The following RNF220 variants were observed in gnomAD, a reference collection of about 807,000 sequenced individuals.
RNF220 encodes E3 ubiquitin-protein ligase RNF220.
RNF220 carries 7 observed loss-of-function variants against 67.1 expected under a neutral mutation model. That is an observed-to-expected ratio of 0.10 (90% CI 0.06 to 0.20). The LOEUF is 0.20. RNF220 is among the 10% of genes least tolerant of loss of function. The probability of loss-of-function intolerance (pLI) is 1.00; values close to 1 mark genes in which losing one functional copy is unlikely to be tolerated. For missense variants in RNF220, 565 were observed against 740.3 expected, an observed-to-expected ratio of 0.76 and a Z score of 2.75; for synonymous variants, 270 against 283.2, an observed-to-expected ratio of 0.95 and a Z score of 0.47.
chr1:44,561,149 T>C (rs1311425074), intron 2 of RNF220, among the ~76,000 whole-genome samples: 3 of 152,210 alleles, frequency 2.0e-5, no homozygotes, highest in Non-Finnish European at 4.4e-5. Flanking sequence ...ATAAAGATAC[T>C]GAACTAACCC....
chr1:44,585,824 G>A (rs1665654638), intron 2 of RNF220, among the ~76,000 whole-genome samples: 1 of 152,166 alleles, frequency 6.6e-6, no homozygotes, highest in Non-Finnish European at 1.5e-5. Context: ...ATTGTTGTGA[G>A]ATTGTCTGAC....
Position 44,600,109 on chromosome 1 carries a change from T to C in RNF220, c.626-14056T>C, listed in dbSNP as rs1170017183. Among the ~76,000 whole-genome samples, 1 of 152,126 alleles carries C rather than the reference T, an allele frequency of 6.6e-6. No individual in the cohort carries two copies. The highest frequency in any genetic ancestry group is 1.5e-5 in the Non-Finnish European group (1 of 68,018). On this transcript the variant is annotated intron_variant, in intron 2 of 14. Coordinates refer to ENST00000361799, the MANE Select transcript of RNF220 (RefSeq NM_018150.4). The surrounding 1 kb of genome is among the most constrained non-coding windows in gnomAD (Gnocchi z 4.0). ...AGGGACTGGAGTAAAGAGTAAAAAT[T>C]AAGATTGTCAATTTAGGGAGGTCTC...
intron 2 of RNF220, among the ~76,000 whole-genome samples, chr1:44,545,735 C>T (rs1288560237): frequency 6.6e-6 from 1 of 151,048 alleles, no homozygotes; most frequent in African/African-American, 2.5e-5. Flanking sequence ...CAGCATACTG[C>T]AACCTCTTCA....
rs1177661699 is a variant in RNF220 at position 44,622,407 on chromosome 1, AG to A, written c.759-330del. ...GGGCTGGGAACAGGGGGTGGAGAGA[AG>A]GGGGTCTCCAGGACAGGCAGAATCT... On this transcript the variant is annotated intron_variant, in intron 3 of 14. Coordinates refer to ENST00000361799, the MANE Select transcript of RNF220 (RefSeq NM_018150.4). This position sits in a 1 kb window ranked among gnomAD's most constrained non-coding sequence, Gnocchi z 4.3. Among the ~76,000 whole-genome samples, 1 of 152,172 alleles carries A rather than the reference AG, an allele frequency of 6.6e-6. No individual in the cohort carries two copies. The highest frequency in any genetic ancestry group is 1.5e-5 in the Non-Finnish European group (1 of 68,016).
intron 2 of RNF220, among the ~76,000 whole-genome samples, chr1:44,430,509 A>G (rs540782327): frequency 1.3e-5 from 2 of 152,286 alleles, no homozygotes; most frequent in Non-Finnish European, 2.9e-5. Flanking sequence ...CCATAAATCT[A>G]AAAACTATTC....
intron 2 of RNF220, among the ~76,000 whole-genome samples, chr1:44,594,263 C>A (rs1666313353): frequency 2.0e-5 from 3 of 151,970 alleles, no homozygotes; most frequent in Admixed American, 2.0e-4. Context: ...GGGCGCTTTG[C>A]CTCCCCCCCT....
chr1:44,500,659 T>C (rs1657758356), intron 2 of RNF220, among the ~76,000 whole-genome samples: 1 of 152,200 alleles, frequency 6.6e-6, no homozygotes, highest in Non-Finnish European at 1.5e-5. Context: ...CGGCTGCAGC[T>C]CTGTACAAGG....
chr1:44,530,154 A>G lies in RNF220; in HGVS notation c.626-84011A>G, dbSNP rs1040255098. ...GTATACTAACAAAAGTTGCATGAGT[A>G]TAGCATTTATGATCAGACGAACCAT... On this transcript the variant is annotated intron_variant, in intron 2 of 14. Coordinates refer to ENST00000361799, the MANE Select transcript of RNF220 (RefSeq NM_018150.4). Among the ~76,000 whole-genome samples, 14 of 152,334 alleles carry G rather than the reference A, an allele frequency of 9.2e-5. 1 individual carries two copies. Among genetic ancestry groups the G allele is most frequent in the South Asian group, 8.3e-4 (4 of 4,828 alleles).
At position 44,412,116 on chromosome 1, in the gene RNF220, G is replaced by C; in HGVS notation, c.19G>C (p.Ala7Pro). 1 of 1,611,956 alleles carries C rather than the reference G, an allele frequency of 6.2e-7. No homozygotes were observed. Among genetic ancestry groups the C allele is most frequent in the Non-Finnish European group, 8.5e-7 (1 of 1,178,440 alleles). The part of the protein sequence containing the change: MDLHRA[A>P]FKMENSSYLP... ...GACTCCGATGGACTTACACCGGGCA[G>C]CCTTCAAGATGGAGAACTCATCCTA... Residue 7 changes from alanine to proline, a missense_variant, in exon 2 of 15, where the codon GCC becomes CCC. Ala to Pro is a conservative substitution (Grantham distance 27). Transcript: ENST00000361799. The surrounding 1 kb of genome is among the most constrained non-coding windows in gnomAD (Gnocchi z 5.3).
chr1:44,648,570 A>G (rs1644709703), intron 12 of RNF220: 1 of 152,190 alleles, frequency 6.6e-6, no homozygotes, highest in South Asian at 2.1e-4. Context: ...CAGCCCAAGG[A>G]GTCCTGGAAA....
chr1:44,648,152 G>A (rs1644699615), intron 12 of RNF220, among the ~76,000 whole-genome samples: 2 of 152,180 alleles, frequency 1.3e-5, no homozygotes, highest in Non-Finnish European at 2.9e-5. Context: ...GTATAGTCAT[G>A]GTCAATCACA....
At chr1:44,500,305 C>G (rs1275667746) in intron 2 of RNF220, among the ~76,000 whole-genome samples, 1 of 152,178 alleles carries the variant, frequency 6.6e-6, no homozygotes, top group Non-Finnish European at 1.5e-5. Context: ...TCTTGCAGTT[C>G]CCTTGGGCTG....
chr1:44,505,206 T>A (rs1309852081), intron 2 of RNF220, among the ~76,000 whole-genome samples: 2 of 152,186 alleles, frequency 1.3e-5, no homozygotes, highest in African/African-American at 4.8e-5. Flanking sequence ...TCAGAGCACG[T>A]GTTTGCTGCT....
At chr1:44,562,614 A>T (rs1663661885) in intron 2 of RNF220, among the ~76,000 whole-genome samples, 1 of 152,206 alleles carries the variant, frequency 6.6e-6, no homozygotes, top group Admixed American at 6.5e-5. Context: ...CAGCCTGAGC[A>T]GGTCCCAGAC....
chr1:44,596,592 A>G (rs1163641428), intron 2 of RNF220, among the ~76,000 whole-genome samples: 1 of 152,102 alleles, frequency 6.6e-6, no homozygotes, highest in Non-Finnish European at 1.5e-5. Flanking sequence ...TGCTTTGCAC[A>G]GAGTAAGCAT....
At chr1:44,426,131 C>T (rs1250051359) in intron 2 of RNF220, among the ~76,000 whole-genome samples, 1 of 152,164 alleles carries the variant, frequency 6.6e-6, no homozygotes, top group Non-Finnish European at 1.5e-5. Context: ...TTCTTCTCAG[C>T]AAAGCTCGGA....
chr1:44,555,755 G>T (rs1045685827), intron 2 of RNF220, among the ~76,000 whole-genome samples: 1 of 150,628 alleles, frequency 6.6e-6, no homozygotes, highest in Non-Finnish European at 1.5e-5. Context: ...GATTACAGGC[G>T]TGAGCCACCG....
chr1:44,580,049 A>AG (rs1665138605), intron 2 of RNF220, among the ~76,000 whole-genome samples: 1 of 149,416 alleles, frequency 6.7e-6, no homozygotes, highest in South Asian at 2.1e-4. Flanking sequence ...AAAAAAAAAA[A>AG]AAAAAAAAGA....
intron 2 of RNF220, among the ~76,000 whole-genome samples, chr1:44,603,836 G>A (rs1375474856): frequency 2.0e-5 from 3 of 152,194 alleles, no homozygotes; most frequent in Admixed American, 2.0e-4. Context: ...CTGAGGCCAG[G>A]CAGCTGGCCC....
Sources: gnomAD v4.1 joint callset for allele counts (sites outside exome capture counted in the v4.1 genomes callset) on GRCh38, gnomAD v4.1.1 for gene constraint, Gnocchi (gnomAD v3.1) non-coding constraint, MANE v1.5 for transcripts, NCBI Gene and HGNC (gene_info 2026-07-23, HGNC 2026-07-21) for gene names.